RABGAP1L: variants seen among roughly 807,000 people sequenced by gnomAD.
The protein encoded by RABGAP1L is RAB GTPase activating protein 1 like, also known as rab GTPase-activating protein 1-like.
Under a neutral mutation model 137.7 loss-of-function variants are expected in RABGAP1L, and 63 were observed. The observed-to-expected ratio is 0.46, with a 90% CI of 0.37 to 0.56. The LOEUF (loss-of-function observed/expected upper bound fraction) is 0.56, where lower values mean the gene tolerates loss of function less well. Among genes scored for constraint, RABGAP1L ranks in the 20% least tolerant of loss-of-function variants. RABGAP1L has a pLI of 0.00. For synonymous variants in RABGAP1L, 431 were observed against 433.7 expected, an observed-to-expected ratio of 0.99 and a Z score of 0.08; for missense variants, 1,095 against 1,244.0, an observed-to-expected ratio of 0.88 and a Z score of 1.80.
At chr1:174,772,885 A>G (rs1686235290) in intron 18 of RABGAP1L, among the ~76,000 whole-genome samples, 1 of 152,112 alleles carries the variant, frequency 6.6e-6, no homozygotes, top group Admixed American at 6.6e-5. Flanking sequence ...TATGACCCTT[A>G]ATTTTTTTAC....
At chr1:174,227,433 C>A (rs1278203232) in intron 3 of RABGAP1L, among the ~76,000 whole-genome samples, 2 of 151,790 alleles carry the variant, frequency 1.3e-5, no homozygotes, top group Non-Finnish European at 2.9e-5. Context: ...CATCTCTTGA[C>A]CTCATGATCT....
At chr1:174,622,189 A>C (rs955781547) in intron 13 of RABGAP1L, among the ~76,000 whole-genome samples, 2 of 152,228 alleles carry the variant, frequency 1.3e-5, no homozygotes, top group Admixed American at 1.3e-4. Context: ...GTGATCATTA[A>C]AAAGTCAGGA....
At position 174,647,479 on chromosome 1, in the gene RABGAP1L, C is replaced by T. The variant is rs775629300; in HGVS notation, c.1824+9991C>T. 5.1e-4 allele frequency among the ~76,000 whole-genome samples: 77 copies of T among 152,080 alleles called. 1 individual carries two copies. Among genetic ancestry groups the T allele is most frequent in the Admixed American group, 1.4e-3 (22 of 15,268 alleles). On this transcript the variant is annotated intron_variant, in intron 14 of 25. Coordinates refer to ENST00000681986, the MANE Select transcript of RABGAP1L (RefSeq NM_001366446.1). ...ATTGAGATAATCATGTGGTTTTTGT[C>T]ATTGGTTCTGTTTATGTGTTGGATT...
intron 5 of RABGAP1L, chr1:174,243,046 T>G (rs1309355776): frequency 1.3e-5 from 2 of 152,172 alleles, no homozygotes; most frequent in Admixed American, 6.6e-5. Flanking sequence ...AACCCACCTG[T>G]GTGATTTCCG....
At chr1:174,885,300 TAAG>T (rs1456708443) in intron 19 of RABGAP1L, among the ~76,000 whole-genome samples, 8 of 152,346 alleles carry the variant, frequency 5.3e-5, no homozygotes, top group Non-Finnish European at 1.0e-4. Context: ...GTAAAGCACT[TAAG>T]AAAATTAATT....
chr1:174,231,092 T>C, intron 3 of RABGAP1L, 53 bp from the exon 4 acceptor site: 1 of 1,345,032 alleles, frequency 7.4e-7, no homozygotes. Flanking sequence ...AAGATTATAA[T>C]GATGGTGGAG....
intron 18 of RABGAP1L, among the ~76,000 whole-genome samples, chr1:174,795,637 CTCATTG>C (rs1688189279): frequency 6.6e-6 from 1 of 152,208 alleles, no homozygotes; most frequent in South Asian, 2.1e-4. Context: ...ACAATAGTGG[CTCATTG>C]CAGCCTTGGC....
At position 174,448,123 on chromosome 1, in the gene RABGAP1L, C is replaced by T; in HGVS notation, c.1710+53978C>T. 6.2e-7 allele frequency: 1 copy of T among 1,611,264 alleles called. No individual in the cohort carries two copies. The highest frequency in any genetic ancestry group is 8.5e-7 in the Non-Finnish European group (1 of 1,178,278). Reference sequence around the variant, plus strand: ...TAAATTTCCAAGCCATGAATGAATCCAGGTGGACTGAATGGAGGATCCTGA... The same window carrying T: ...TAAATTTCCAAGCCATGAATGAATCTAGGTGGACTGAATGGAGGATCCTGA... On this transcript the variant is annotated intron_variant, in intron 13 of 25. Transcript: ENST00000681986. This position sits in a 1 kb window ranked among gnomAD's most constrained non-coding sequence, Gnocchi z 4.2.
At chr1:174,241,383 C>G in intron 4 of RABGAP1L, 100 bp from the exon 5 acceptor site, 8 of 770,182 alleles carry the variant, frequency 1.0e-5, no homozygotes, top group Non-Finnish European at 1.4e-5. Flanking sequence ...CATAGTAAAA[C>G]TATTTGTTCT....
intron 19 of RABGAP1L, among the ~76,000 whole-genome samples, chr1:174,854,901 C>A (rs188556052): frequency 6.6e-6 from 1 of 151,622 alleles, no homozygotes; most frequent in East Asian, 1.9e-4. Flanking sequence ...CCGCATCTGG[C>A]TAGTTTTTGT....
chr1:174,846,160 A>T (rs1004245227), intron 19 of RABGAP1L, among the ~76,000 whole-genome samples: 2 of 150,164 alleles, frequency 1.3e-5, no homozygotes, highest in African/African-American at 4.9e-5. Context: ...AATTTTGTTG[A>T]TCCTTTCAAA....
chr1:174,617,222 A>G (rs1380207726), intron 13 of RABGAP1L, among the ~76,000 whole-genome samples: 1 of 152,208 alleles, frequency 6.6e-6, no homozygotes, highest in Non-Finnish European at 1.5e-5. Flanking sequence ...TCTAAAAGGG[A>G]TTAATCAAGT....
intron 1 of RABGAP1L, among the ~76,000 whole-genome samples, chr1:174,181,511 G>T (rs1344583723): frequency 6.6e-6 from 1 of 151,802 alleles, no homozygotes. Flanking sequence ...CTCATTTTTT[G>T]TATTTTTAGT....
At chr1:174,611,282 A>G (rs1671223325) in intron 13 of RABGAP1L, among the ~76,000 whole-genome samples, 2 of 150,902 alleles carry the variant, frequency 1.3e-5, no homozygotes, top group South Asian at 4.2e-4. Flanking sequence ...ATGGCTAGCC[A>G]GTTTTCCCAG....
chr1:174,497,852 T>A (rs1660885040), intron 13 of RABGAP1L, among the ~76,000 whole-genome samples: 1 of 152,254 alleles, frequency 6.6e-6, no homozygotes, highest in Non-Finnish European at 1.5e-5. Context: ...CATCTGTTGT[T>A]GAGTATCTCT....
chr1:174,239,896 G>A (rs368830209), intron 4 of RABGAP1L, among the ~76,000 whole-genome samples: 1 of 152,098 alleles, frequency 6.6e-6, no homozygotes, highest in Admixed American at 6.5e-5. Context: ...GAAAACTTTT[G>A]CTAAATTCCA....
intron 13 of RABGAP1L, among the ~76,000 whole-genome samples, chr1:174,619,886 A>T (rs1205781316): frequency 6.6e-6 from 1 of 152,244 alleles, no homozygotes; most frequent in Non-Finnish European, 1.5e-5. Context: ...TGCTGTATTC[A>T]GGAAACCCAT....
chr1:174,549,698 A>AT lies in RABGAP1L; in HGVS notation c.1711-87670dup, dbSNP rs371254969. 2.9e-4 allele frequency among the ~76,000 whole-genome samples: 44 copies of AT among 152,324 alleles called. No homozygotes were observed. In the Middle Eastern group the frequency reaches 0.01, roughly 35 times the overall value. ...AACCAAGAATAATTTCAGAAGCTTA[A>AT]TTTTTTTCCTACAAATAGTATAGAA... On this transcript the variant is annotated intron_variant, in intron 13 of 25. Coordinates refer to ENST00000681986, the MANE Select transcript of RABGAP1L (RefSeq NM_001366446.1).
intron 19 of RABGAP1L, among the ~76,000 whole-genome samples, chr1:174,887,141 A>G (rs966867127): frequency 6.6e-6 from 1 of 152,166 alleles, no homozygotes; most frequent in African/African-American, 2.4e-5. Context: ...CATTGACCAA[A>G]CAAATCAAAA....
Sources: allele counts gnomAD v4.1 joint callset (sites outside exome capture counted in the v4.1 genomes callset), GRCh38; gene constraint gnomAD v4.1.1; non-coding constraint Gnocchi (gnomAD v3.1); transcripts MANE v1.5; gene names NCBI Gene and HGNC (gene_info 2026-07-23, HGNC 2026-07-21).